The following CCDC90B variants were observed in gnomAD, a reference collection of about 807,000 sequenced individuals.
CCDC90B encodes coiled-coil domain containing 90B.
Under a neutral mutation model 37.0 loss-of-function variants are expected in CCDC90B, and 24 were observed. The observed-to-expected ratio is 0.65, with a 90% confidence interval of 0.47 to 0.91. CCDC90B has a LOEUF of 0.91. Among genes scored for constraint, CCDC90B ranks in the 40% least tolerant of loss-of-function variants. CCDC90B has a pLI of 0.00. For missense variants in CCDC90B, 319 were observed against 299.0 expected (o/e 1.07, Z -0.49); for synonymous variants, 113 against 101.1 (o/e 1.12, Z -0.71).
At chr11:83,276,501 T>C (rs1237427112) in intron 3 of CCDC90B, among the ~76,000 whole-genome samples, 2 of 152,042 alleles carry the variant, frequency 1.3e-5, no homozygotes, top group African/African-American at 4.8e-5. Context: ...GCACCCACCA[T>C]CATGCCTGGC....
intron 7 of CCDC90B, chr11:83,266,749 G>A (rs1565208923): frequency 6.6e-6 from 1 of 152,202 alleles, no homozygotes; most frequent in Non-Finnish European, 1.5e-5. Flanking sequence ...GAAGACAGCA[G>A]TGGTTCTCTC....
chr11:83,261,680 C>G lies in CCDC90B; in HGVS notation c.*231G>C. ...GACAAAATGCTCTTCTATCTCAAACCAGGTCTGAGTGACAGCTTTTCAATA... is the reference window on the plus strand; with the variant it reads ...GACAAAATGCTCTTCTATCTCAAACGAGGTCTGAGTGACAGCTTTTCAATA... On this transcript the variant is annotated 3_prime_UTR_variant, in exon 9 of 9. Coordinates refer to ENST00000529689, the MANE Select transcript of CCDC90B (RefSeq NM_021825.5). 9.0e-6 allele frequency: 3 copies of G among 332,156 alleles called. No homozygotes were observed. Among genetic ancestry groups the G allele is most frequent in the Non-Finnish European group, 1.6e-5 (3 of 183,118 alleles). The allele number at this position is 332,156 out of a possible 1,614,324, so 20.6% of individuals were successfully genotyped here. A position where few individuals can be genotyped will look rare whatever the true frequency, so the allele number is the denominator to read the frequency against.
Position 83,278,589 on chromosome 11 carries a change from A to G in CCDC90B, c.324+137T>C, listed in dbSNP as rs77724203. ...TCTCTCTAAATACTGACTTTATTCAATGTTTTTTTTTGTGGTCCCTTTAGA... is the reference window on the plus strand; with the variant it reads ...TCTCTCTAAATACTGACTTTATTCAGTGTTTTTTTTTGTGGTCCCTTTAGA... On this transcript the variant is annotated intron_variant, in intron 3 of 8. Coordinates refer to ENST00000529689, the MANE Select transcript of CCDC90B (RefSeq NM_021825.5). 7.6e-3 allele frequency: 4,274 copies of G among 565,858 alleles called. 94 individuals carry two copies. Among genetic ancestry groups the G allele is most frequent in the African/African-American group, 0.058 (3,067 of 52,530 alleles). The allele number at this position is 565,858 out of a possible 1,614,324, so 35.1% of individuals were successfully genotyped here.
chr11:83,279,296 A>C (rs757574920), intron 2 of CCDC90B, among the ~76,000 whole-genome samples: 20 of 152,194 alleles, frequency 1.3e-4, no homozygotes, highest in Non-Finnish European at 2.4e-4. Flanking sequence ...AAACAAAAAA[A>C]AAACAAACAA....
At position 83,285,824 on chromosome 11, in the gene CCDC90B, G is replaced by C. The variant is rs1474669985; in HGVS notation, c.100+49C>G. On this transcript the variant is annotated intron_variant, in intron 1 of 8. Transcript: ENST00000529689. ...GAGCAGGCGCGACCCCACGGGCATC[G>C]TCTCCCTAGAGAGCACTCAGGCATC... is the stretch of plus-strand genomic sequence containing the variant. 3.2e-6 allele frequency: 5 copies of C among 1,565,202 alleles called. No homozygotes were observed. In the Admixed American group the frequency reaches 5.6e-5, roughly 17 times the overall value.
chr11:83,282,316 G>C (rs1415474403), intron 1 of CCDC90B, among the ~76,000 whole-genome samples: 2 of 152,168 alleles, frequency 1.3e-5, no homozygotes, highest in East Asian at 3.9e-4. Context: ...AGTTTCTACT[G>C]AATGCACACT....
At chr11:83,268,458 C>G (rs929144022) in intron 7 of CCDC90B, among the ~76,000 whole-genome samples, 2 of 150,492 alleles carry the variant, frequency 1.3e-5, no homozygotes, top group African/African-American at 4.9e-5. Context: ...GGTTGCAATC[C>G]TAGTCTCTGA....
At chr11:83,274,902 AAAAG>A (rs1164137158) in intron 3 of CCDC90B, 162 bp from the exon 4 acceptor site, 12 of 440,858 alleles carry the variant, frequency 2.7e-5, no homozygotes, top group Non-Finnish European at 3.6e-5. Flanking sequence ...TATCAAAATG[AAAAG>A]AAAGAGATTC....
intron 3 of CCDC90B, among the ~76,000 whole-genome samples, chr11:83,276,249 T>C (rs1310314223): frequency 6.6e-6 from 1 of 152,246 alleles, no homozygotes; most frequent in Non-Finnish European, 1.5e-5. Flanking sequence ...AAAGGAATTA[T>C]ATGACATTAA....
intron 2 of CCDC90B, among the ~76,000 whole-genome samples, chr11:83,279,457 T>G (rs1865254989): frequency 6.6e-6 from 1 of 152,176 alleles, no homozygotes; most frequent in Non-Finnish European, 1.5e-5. Context: ...TTTCCTTGGT[T>G]TGTAGAGAGG....
chr11:83,263,632 G>A (rs1203992972), intron 8 of CCDC90B, among the ~76,000 whole-genome samples: 2 of 152,166 alleles, frequency 1.3e-5, no homozygotes, highest in Non-Finnish European at 2.9e-5. Context: ...GTCAAAAGGT[G>A]GCGTCTGACC....
intron 7 of CCDC90B, chr11:83,266,794 G>C (rs912119190): frequency 3.3e-5 from 5 of 152,320 alleles, no homozygotes; most frequent in African/African-American, 1.2e-4. Flanking sequence ...CGGAGAGACT[G>C]CTTCTTCAAT....
chr11:83,285,486 TA>T, intron 1 of CCDC90B: 10 of 1,112,098 alleles, frequency 9.0e-6, no homozygotes, highest in South Asian at 2.2e-5. Flanking sequence ...GGCCAGCACC[TA>T]AAAAAACAAA....
intron 1 of CCDC90B, among the ~76,000 whole-genome samples, chr11:83,283,906 G>A (rs1865536906): frequency 6.6e-6 from 1 of 152,156 alleles, no homozygotes; most frequent in Admixed American, 6.5e-5. Context: ...AGGCTGCAGG[G>A]AGCCGAGATG....
Position 83,286,058 on chromosome 11 carries a change from G to A in CCDC90B, c.-86C>T, listed in dbSNP as rs1220757858. The A allele has an allele frequency of 1.3e-6, 2 of 1,543,088 alleles. No homozygotes were observed. The highest frequency in any genetic ancestry group is 3.9e-5 in the Admixed American group (2 of 51,084). ...CGGGCAAGGTAGTTCTGGCACCACA[G>A]GAATGCTGGGAATTGTAGTTTTCGC... On this transcript the variant is annotated 5_prime_UTR_variant, in exon 1 of 9. Coordinates refer to ENST00000529689, the MANE Select transcript of CCDC90B (RefSeq NM_021825.5).
chr11:83,269,368 G>C (rs1864504030), intron 7 of CCDC90B, among the ~76,000 whole-genome samples: 2 of 151,868 alleles, frequency 1.3e-5, no homozygotes, highest in African/African-American at 4.8e-5. Context: ...ATGAACCTAG[G>C]AGCTGGTTTT....
chr11:83,268,137 C>T (rs1362431534), intron 7 of CCDC90B, among the ~76,000 whole-genome samples: 2 of 152,162 alleles, frequency 1.3e-5, no homozygotes, highest in African/African-American at 4.8e-5. Context: ...CCAGTACCAA[C>T]CACTGCAAAA....
chr11:83,281,693 T>G (rs1168686491), intron 1 of CCDC90B, among the ~76,000 whole-genome samples: 1 of 152,106 alleles, frequency 6.6e-6, no homozygotes, highest in Non-Finnish European at 1.5e-5. Context: ...AGGGGCAGAT[T>G]TCAGTAGTTT....
chr11:83,269,859 G>T lies in CCDC90B; in HGVS notation c.594+3788C>A, dbSNP rs952859876. Among the ~76,000 whole-genome samples, 17 of 152,156 alleles carry T rather than the reference G, an allele frequency of 1.1e-4. No homozygotes were observed. The East Asian group carries it at 3.3e-3, about 29-fold the overall frequency. On this transcript the variant is annotated intron_variant, in intron 7 of 8. Transcript: ENST00000529689. ...GCCTGGCAGAGACACAACAAAAAAAGAATTTCAGAGCAATATCCGTGATGA... is the reference window on the plus strand; with the variant it reads ...GCCTGGCAGAGACACAACAAAAAAATAATTTCAGAGCAATATCCGTGATGA...
Sources: gnomAD v4.1 joint callset for allele counts (sites outside exome capture counted in the v4.1 genomes callset) on GRCh38, gnomAD v4.1.1 for gene constraint, MANE v1.5 for transcripts, NCBI Gene and HGNC (gene_info 2026-07-23, HGNC 2026-07-21) for gene names.